Variants in CUX1 observed in about 807,000 individuals in gnomAD.
CUX1 encodes protein CASP.
CUX1 carries 31 observed loss-of-function variants against 158.8 expected under a neutral mutation model. That is an observed-to-expected ratio of 0.20 (90% CI 0.15 to 0.26). The LOEUF is 0.26. CUX1 is among the 10% of genes least tolerant of loss of function. The probability of loss-of-function intolerance (pLI) is 1.00; values close to 1 mark genes in which losing one functional copy is unlikely to be tolerated. For missense variants in CUX1, 1,589 were observed against 2,014.6 expected (o/e 0.79, Z 4.04); for synonymous variants, 879 against 862.1 (o/e 1.02, Z -0.34).
At chr7:101,892,629 A>G (rs183447089) in intron 1 of CUX1, among the ~76,000 whole-genome samples, 1 of 152,296 alleles carries the variant, frequency 6.6e-6, no homozygotes, top group Non-Finnish European at 1.5e-5. Flanking sequence ...TTCTGTTCCT[A>G]TCAGTATGTT....
intron 7 of CUX1, among the ~76,000 whole-genome samples, chr7:102,114,498 A>G (rs782306603): frequency 6.6e-5 from 10 of 152,222 alleles, no homozygotes; most frequent in Non-Finnish European, 1.5e-4. Context: ...GCTGGTCTCA[A>G]ACTCCTGACC....
intron 2 of CUX1, among the ~76,000 whole-genome samples, chr7:101,988,009 C>T (rs113261446): frequency 0.038 from 5,716 of 151,914 alleles, 381 homozygotes; most frequent in African/African-American, 0.13. Flanking sequence ...GTCAGGAGTT[C>T]GAGACCAGCC....
chr7:102,269,124 TTGTTTGTTTGTTTG>T (rs1791025103), intron 14 of CUX1, among the ~76,000 whole-genome samples: 1 of 21,220 alleles, frequency 4.7e-5, no homozygotes, highest in African/African-American at 5.5e-4. Context: ...GTTTTTTTGT[TTGTTTGTTTGTTTG>T]TTTGTTTGTT....
chr7:102,075,017 C>T (rs1324833559), intron 4 of CUX1, among the ~76,000 whole-genome samples: 15 of 152,288 alleles, frequency 9.8e-5, no homozygotes, highest in African/African-American at 3.6e-4. Context: ...CGCCACCACA[C>T]CTGGCTAATT....
At chr7:102,011,243 C>T (rs1817975692) in intron 2 of CUX1, among the ~76,000 whole-genome samples, 1 of 152,048 alleles carries the variant, frequency 6.6e-6, no homozygotes, top group Non-Finnish European at 1.5e-5. Context: ...GAAGCATTCA[C>T]ACCAAATTGT....
intron 2 of CUX1, among the ~76,000 whole-genome samples, chr7:101,984,144 A>G (rs1402695400): frequency 3.4e-5 from 3 of 88,448 alleles, no homozygotes; most frequent in Non-Finnish European, 7.5e-5. Context: ...ACACACATAT[A>G]TATATGTGTG....
intron 2 of CUX1, among the ~76,000 whole-genome samples, chr7:102,011,269 T>G (rs1358799053): frequency 6.6e-6 from 1 of 152,106 alleles, no homozygotes; most frequent in Non-Finnish European, 1.5e-5. Context: ...AGCCCAGCAC[T>G]GAGAGCGCAG....
intron 8 of CUX1, among the ~76,000 whole-genome samples, chr7:102,128,571 C>T (rs201523): frequency 0.52 from 78,703 of 150,494 alleles, 21,195 homozygotes; most frequent in Middle Eastern, 0.66. Flanking sequence ...GCATGAGTCA[C>T]GGTGGGAAGA....
intron 2 of CUX1, among the ~76,000 whole-genome samples, chr7:101,986,481 A>G (rs2129229879): frequency 6.6e-6 from 1 of 152,340 alleles, no homozygotes; most frequent in Non-Finnish European, 1.5e-5. Flanking sequence ...CCCTTCCTGA[A>G]TGCCTATTAC....
intron 1 of CUX1, among the ~76,000 whole-genome samples, chr7:101,820,863 CTT>C (rs1792391319): frequency 6.6e-6 from 1 of 152,180 alleles, no homozygotes; most frequent in African/African-American, 2.4e-5. Flanking sequence ...ATGTTTGAGT[CTT>C]TTTATAGCAA....
intron 2 of CUX1, among the ~76,000 whole-genome samples, chr7:101,981,857 G>A (rs1017340102): frequency 3.3e-5 from 5 of 152,110 alleles, no homozygotes; most frequent in African/African-American, 9.7e-5. Flanking sequence ...GTGATCTGCC[G>A]CCTTGGCCTC....
rs1334366080 is a variant in CUX1, at chr7:102,082,475, C to T, written c.268+12058C>T. On this transcript the variant is annotated intron_variant, in intron 4 of 23. Coordinates refer to ENST00000292535, the MANE Select transcript of CUX1 (RefSeq NM_181552.4). Reference sequence around the variant, plus strand: ...CAGGAGGTACAGTGAGCCAAGATCGCGCCACTGCACTCCAGCCTGGGCAAC... The same window carrying T: ...CAGGAGGTACAGTGAGCCAAGATCGTGCCACTGCACTCCAGCCTGGGCAAC... Among the ~76,000 whole-genome samples the T allele has an allele frequency of 3.4e-5, 5 of 147,016 alleles. No homozygotes were observed. In the East Asian group the frequency reaches 7.7e-4, roughly 23 times the overall value.
intron 8 of CUX1, among the ~76,000 whole-genome samples, chr7:102,119,259 G>A (rs1219386785): frequency 2.7e-5 from 4 of 147,434 alleles, no homozygotes; most frequent in African/African-American, 5.1e-5. Context: ...TCTGTCTGTC[G>A]TGGGGAGATG....
chr7:102,205,676 G>A (rs1047300855), intron 20 of CUX1, among the ~76,000 whole-genome samples: 2 of 152,184 alleles, frequency 1.3e-5, no homozygotes, highest in African/African-American at 2.4e-5. Context: ...AGGTGTGAAC[G>A]AATGGAGAGC....
chr7:101,871,823 C>T (rs562483747), intron 1 of CUX1, among the ~76,000 whole-genome samples: 65 of 151,956 alleles, frequency 4.3e-4, no homozygotes, highest in Non-Finnish European at 4.9e-4. Context: ...TTCAAGACCA[C>T]CCTGGCCAAG....
chr7:102,066,073 G>C (rs1563197852), intron 3 of CUX1, among the ~76,000 whole-genome samples: 1 of 152,192 alleles, frequency 6.6e-6, no homozygotes, highest in Non-Finnish European at 1.5e-5. Flanking sequence ...ACATGTGTCA[G>C]CCACCACGCC....
At chr7:102,118,219 CAATTT>C (rs1554492395) in intron 8 of CUX1, among the ~76,000 whole-genome samples, 1 of 152,200 alleles carries the variant, frequency 6.6e-6, no homozygotes, top group Non-Finnish European at 1.5e-5. Flanking sequence ...ATTTCAAAAA[CAATTT>C]ATTTTCCCTC....
At chr7:102,027,589 G>A (rs749412678) in intron 2 of CUX1, among the ~76,000 whole-genome samples, 10 of 152,102 alleles carry the variant, frequency 6.6e-5, no homozygotes, top group Non-Finnish European at 1.2e-4. Context: ...GGCCAGGTGC[G>A]GTGGCTCACA....
chr7:102,246,025 T>C (rs891482311), intron 23 of CUX1, among the ~76,000 whole-genome samples: 1 of 152,012 alleles, frequency 6.6e-6, no homozygotes, highest in Non-Finnish European at 1.5e-5. Context: ...CAGAATGCTA[T>C]GGCTATGAGG....
Sources: gnomAD v4.1 joint callset for allele counts (sites outside exome capture counted in the v4.1 genomes callset) on GRCh38, gnomAD v4.1.1 for gene constraint, MANE v1.5 for transcripts, NCBI Gene and HGNC (gene_info 2026-07-23, HGNC 2026-07-21) for gene names.